The following STPG2 variants were observed in gnomAD, a reference collection of about 807,000 sequenced individuals.
The protein encoded by STPG2 is sperm-tail PG-rich repeat-containing protein 2.
A neutral mutation model predicts 54.2 loss-of-function variants in STPG2; 56 were observed. That is an observed-to-expected ratio of 1.03 (90% CI 0.83 to 1.29). The LOEUF is 1.29. Among genes scored for constraint, STPG2 ranks in the 50% most tolerant of loss-of-function variants. The probability of loss-of-function intolerance (pLI) is 0.00; values close to 1 mark genes in which losing one functional copy is unlikely to be tolerated. For synonymous variants in STPG2, 200 were observed against 181.8 expected (o/e 1.10, Z -0.81); for missense variants, 596 against 544.9 (o/e 1.09, Z -0.93).
chr4:97,936,699 A>G (rs1242763318), intron 8 of STPG2, among the ~76,000 whole-genome samples: 1 of 152,166 alleles, frequency 6.6e-6, no homozygotes, highest in Non-Finnish European at 1.5e-5. Flanking sequence ...AATGTTGAAC[A>G]TTGGCCCCCA....
chr4:97,658,605 CAGT>C (rs1722285497), intron 10 of STPG2, among the ~76,000 whole-genome samples: 1 of 152,120 alleles, frequency 6.6e-6, no homozygotes, highest in African/African-American at 2.4e-5. Context: ...GATATCTCAG[CAGT>C]AGTCACATTT....
chr4:98,063,883 A>C (rs1043304590), intron 5 of STPG2, among the ~76,000 whole-genome samples: 1 of 151,966 alleles, frequency 6.6e-6, no homozygotes, highest in Non-Finnish European at 1.5e-5. Context: ...CTACAAAAAA[A>C]ATATATTTTT....
At chr4:97,548,198 C>A (rs768769676) in intron 4 of STPG2, among the ~76,000 whole-genome samples, 33 of 152,076 alleles carry the variant, frequency 2.2e-4, no homozygotes, top group Non-Finnish European at 4.3e-4. Flanking sequence ...TGCACAGACT[C>A]CTCGTGAAAA....
intron 10 of STPG2, among the ~76,000 whole-genome samples, chr4:97,631,187 A>G (rs1045388378): frequency 8.6e-5 from 13 of 152,040 alleles, no homozygotes; most frequent in African/African-American, 3.1e-4. Flanking sequence ...AAAGTATTAC[A>G]GAACCACTAT....
intron 5 of STPG2, among the ~76,000 whole-genome samples, chr4:98,059,008 A>G (rs1737563912): frequency 6.6e-6 from 1 of 151,762 alleles, no homozygotes; most frequent in Non-Finnish European, 1.5e-5. Flanking sequence ...GCTGAACTGC[A>G]GGAAATCAAG....
At chr4:97,702,097 T>C (rs1723797510) in intron 10 of STPG2, among the ~76,000 whole-genome samples, 1 of 152,178 alleles carries the variant, frequency 6.6e-6, no homozygotes, top group African/African-American at 2.4e-5. Flanking sequence ...CCATTCCACC[T>C]TCCCAATCTC....
intron 10 of STPG2, among the ~76,000 whole-genome samples, chr4:97,604,212 C>A (rs947169300): frequency 6.6e-6 from 1 of 151,516 alleles, no homozygotes; most frequent in Admixed American, 6.6e-5. Flanking sequence ...AGCCTCATAT[C>A]TTTCAAGTCA....
At chr4:97,599,506 A>G (rs1431128330) in intron 10 of STPG2, among the ~76,000 whole-genome samples, 1 of 152,156 alleles carries the variant, frequency 6.6e-6, no homozygotes, top group Non-Finnish European at 1.5e-5. Flanking sequence ...AATGCCTATC[A>G]ATGGTAGATT....
chr4:97,559,193 A>T, intron 10 of STPG2, 76 bp from the exon 11 acceptor site: 1 of 931,632 alleles, frequency 1.1e-6, no homozygotes, highest in Admixed American at 2.4e-5. Context: ...TTATTTAAAC[A>T]TTACCAAAGA....
At chr4:97,818,491 C>T (rs569174051) in intron 9 of STPG2, among the ~76,000 whole-genome samples, 1 of 151,690 alleles carries the variant, frequency 6.6e-6, no homozygotes, top group Non-Finnish European at 1.5e-5. Context: ...ACTGTACTCG[C>T]CTATTTTCAG....
At chr4:97,799,020 G>C (rs556058252) in intron 9 of STPG2, among the ~76,000 whole-genome samples, 1 of 102,170 alleles carries the variant, frequency 9.8e-6, no homozygotes. Context: ...GCCTTTTTTT[G>C]TTTTCCATTT....
intron 4 of STPG2, among the ~76,000 whole-genome samples, chr4:97,551,285 A>G: frequency 6.6e-6 from 1 of 152,312 alleles, no homozygotes; most frequent in African/African-American, 2.4e-5. Flanking sequence ...ACAGAGAAAA[A>G]TAGAGTATCT....
rs777097517 is a variant in STPG2 at position 97,739,533 on chromosome 4, T to A, written c.1205-26719A>T. 5.5e-4 allele frequency among the ~76,000 whole-genome samples: 84 copies of A among 152,220 alleles called. 1 individual carries two copies. The highest frequency in any genetic ancestry group is 5.8e-4 in the East Asian group (3 of 5,174). The stretch of plus-strand genomic sequence containing the variant: ...GCAATAAAAAACGATAAAGGGGATA[T>A]CACCACTGGTCCCACAGAAATACAA... On this transcript the variant is annotated intron_variant, in intron 9 of 10. Coordinates refer to ENST00000295268, the MANE Select transcript of STPG2 (RefSeq NM_174952.3).
intron 5 of STPG2, among the ~76,000 whole-genome samples, chr4:97,986,170 GT>G (rs1296212486): frequency 6.6e-6 from 1 of 152,084 alleles, no homozygotes; most frequent in Non-Finnish European, 1.5e-5. Context: ...CTCCAAGGAG[GT>G]GTCTCTTAAG....
At chr4:97,501,701 A>G (rs76719094) in intron 4 of STPG2, among the ~76,000 whole-genome samples, 3,402 of 152,064 alleles carry the variant, frequency 0.022, 81 homozygotes, top group African/African-American at 0.064. Flanking sequence ...GTCTCAAAAA[A>G]AAAAAGGAAA....
At chr4:97,804,119 G>A (rs1160064737) in intron 9 of STPG2, among the ~76,000 whole-genome samples, 1 of 152,098 alleles carries the variant, frequency 6.6e-6, no homozygotes, top group African/African-American at 2.4e-5. Context: ...TCCAGTCTTT[G>A]TCATATGCAT....
intron 10 of STPG2, among the ~76,000 whole-genome samples, chr4:97,691,474 C>G (rs1184196730): frequency 2.0e-5 from 3 of 152,030 alleles, no homozygotes; most frequent in Non-Finnish European, 4.4e-5. Flanking sequence ...GAACATAACT[C>G]TATTGTACTG....
chr4:98,104,689 A>C (rs1739139665), intron 5 of STPG2, among the ~76,000 whole-genome samples: 1 of 152,212 alleles, frequency 6.6e-6, no homozygotes, highest in African/African-American at 2.4e-5. Flanking sequence ...GTCACATTAC[A>C]TTTAATAATA....
chr4:98,064,954 C>T (rs537626700), intron 5 of STPG2, among the ~76,000 whole-genome samples: 1 of 152,136 alleles, frequency 6.6e-6, no homozygotes, highest in Admixed American at 6.6e-5. Context: ...GACTGGAGTG[C>T]AGTGGTGCAA....
Sources: allele counts gnomAD v4.1 joint callset (sites outside exome capture counted in the v4.1 genomes callset), GRCh38; gene constraint gnomAD v4.1.1; transcripts MANE v1.5; gene names NCBI Gene and HGNC (gene_info 2026-07-23, HGNC 2026-07-21).